TEX9: variants seen among roughly 807,000 people sequenced by gnomAD.
TEX9 encodes testis expressed 9, also known as testis-expressed protein 9.
A neutral mutation model predicts 59.6 loss-of-function variants in TEX9; 74 were observed. The observed-to-expected ratio is 1.24, with a 90% CI of 1.03 to 1.51. The LOEUF (loss-of-function observed/expected upper bound fraction) is 1.51. Among genes scored for constraint, TEX9 ranks in the 40% most tolerant of loss-of-function variants. TEX9 has a pLI of 0.00. For missense variants in TEX9, 522 were observed against 447.8 expected, an observed-to-expected ratio of 1.17 and a Z score of -1.49; for synonymous variants, 186 against 152.2, an observed-to-expected ratio of 1.22 and a Z score of -1.64.
chr15:56,371,067 G>C (rs2047171669), intron 2 of TEX9, among the ~76,000 whole-genome samples: 1 of 152,108 alleles, frequency 6.6e-6, no homozygotes, highest in South Asian at 2.1e-4. Context: ...ATGTTGGCCA[G>C]GCTGGTCTCC....
intron 1 of TEX9, among the ~76,000 whole-genome samples, chr15:56,350,055 T>C (rs2046548111): frequency 6.6e-6 from 1 of 152,104 alleles, no homozygotes; most frequent in Non-Finnish European, 1.5e-5. Flanking sequence ...CGGTGTCATG[T>C]TTGCTTATAG....
intron 1 of TEX9, among the ~76,000 whole-genome samples, chr15:56,250,468 G>A (rs547053093): frequency 6.6e-6 from 1 of 152,276 alleles, no homozygotes; most frequent in South Asian, 2.1e-4. Flanking sequence ...AAGACACACA[G>A]AAGACTGGTC....
chr15:56,393,862 G>A (rs36082281), intron 7 of TEX9: 55,832 of 181,768 alleles, frequency 0.31, 9,693 homozygotes, highest in Middle Eastern at 0.45. Flanking sequence ...CAAACTCTCA[G>A]GGACATTACT....
chr15:56,373,729 C>T (rs2047298412), intron 3 of TEX9, among the ~76,000 whole-genome samples: 1 of 152,070 alleles, frequency 6.6e-6, no homozygotes, highest in Non-Finnish European at 1.5e-5. Context: ...AAGTACTTTC[C>T]ATTTAGATTC....
At chr15:56,315,480 C>G (rs1336327219) in intron 1 of TEX9, among the ~76,000 whole-genome samples, 1 of 149,890 alleles carries the variant, frequency 6.7e-6, no homozygotes, top group Non-Finnish European at 1.5e-5. Flanking sequence ...ATATTGGCCC[C>G]CACTCTCTTC....
At chr15:56,276,506 A>G (rs540364245) in intron 1 of TEX9, among the ~76,000 whole-genome samples, 2 of 152,250 alleles carry the variant, frequency 1.3e-5, no homozygotes, top group African/African-American at 4.8e-5. Context: ...AAGGACATGA[A>G]CCCATTCTTT....
chr15:56,417,371 G>A (rs114493300), intron 10 of TEX9, among the ~76,000 whole-genome samples: 4,717 of 151,880 alleles, frequency 0.031, 359 homozygotes, highest in African/African-American at 0.11. Context: ...TCCCTTAGCT[G>A]TGTTCTAGAG....
chr15:56,412,735 A>T (rs1050491297), intron 10 of TEX9, among the ~76,000 whole-genome samples: 2 of 152,112 alleles, frequency 1.3e-5, no homozygotes, highest in African/African-American at 4.8e-5. Flanking sequence ...AAAGTTGTTT[A>T]AAAAAAGTAT....
intron 2 of TEX9, among the ~76,000 whole-genome samples, chr15:56,368,806 A>G (rs548141971): frequency 6.6e-6 from 1 of 151,912 alleles, no homozygotes; most frequent in South Asian, 2.1e-4. Context: ...TTCTTTTTCT[A>G]TCAAGCTTCC....
At chr15:56,386,579 C>T (rs1212393944) in intron 4 of TEX9, among the ~76,000 whole-genome samples, 1 of 151,818 alleles carries the variant, frequency 6.6e-6, no homozygotes, top group East Asian at 1.9e-4. Context: ...ATCAATTACA[C>T]ATTTTTATAT....
chr15:56,248,086 A>G lies in TEX9; in HGVS notation c.-107+3808A>G, dbSNP rs184371120. ...TAGTCCTAGGAGGGCTTATATATAT[A>G]TAAGTTTCAATGCTGTAATGTGATT... On this transcript the variant is annotated intron_variant, in intron 1 of 5. Transcript: ENST00000560827. Among the ~76,000 whole-genome samples the G allele has an allele frequency of 1.0e-3, 158 of 152,340 alleles. 2 individuals are homozygous for G. Among genetic ancestry groups the G allele is most frequent in the Non-Finnish European group, 1.6e-3 (108 of 68,026 alleles).
At chr15:56,389,878 C>T (rs183789680) in intron 6 of TEX9, among the ~76,000 whole-genome samples, 289 of 151,924 alleles carry the variant, frequency 1.9e-3, no homozygotes, top group Middle Eastern at 3.4e-3. Context: ...GAATTCAAGA[C>T]GGTTCTTAGT....
chr15:56,280,874 C>T (rs1348697726), intron 1 of TEX9, among the ~76,000 whole-genome samples: 2 of 152,200 alleles, frequency 1.3e-5, no homozygotes, highest in Non-Finnish European at 2.9e-5. Context: ...TAGCATAGAT[C>T]TGCTAAAGTA....
At chr15:56,368,832 T>G (rs772247565) in intron 2 of TEX9, among the ~76,000 whole-genome samples, 7 of 152,112 alleles carry the variant, frequency 4.6e-5, no homozygotes, top group Non-Finnish European at 1.0e-4. Flanking sequence ...GATTTATCTG[T>G]TTTATTGGTC....
downstream of TEX9, among the ~76,000 whole-genome samples, chr15:56,450,803 T>C (rs974230819): frequency 6.6e-6 from 1 of 152,176 alleles, no homozygotes. Context: ...TGGTAATCCT[T>C]TGTTTAACTT....
chr15:56,340,678 C>G (rs1229020020), intron 1 of TEX9, among the ~76,000 whole-genome samples: 1 of 152,050 alleles, frequency 6.6e-6, no homozygotes, highest in South Asian at 2.1e-4. Flanking sequence ...CTTCCTAGTT[C>G]TTGCTCACGT....
chr15:56,396,586 T>TC (rs3985755), intron 9 of TEX9: 6 of 150,634 alleles, frequency 4.0e-5, no homozygotes, highest in Non-Finnish European at 5.9e-5. Flanking sequence ...TTTTTTTTTT[T>TC]CAGTTAGCAT....
At chr15:56,408,239 C>G (rs2049173145) in intron 9 of TEX9, among the ~76,000 whole-genome samples, 1 of 152,220 alleles carries the variant, frequency 6.6e-6, no homozygotes, top group South Asian at 2.1e-4. Flanking sequence ...ATTGAAACTA[C>G]TCTTAAAAAG....
chr15:56,317,537 C>G (rs1299057231), intron 1 of TEX9, among the ~76,000 whole-genome samples: 1 of 152,092 alleles, frequency 6.6e-6, no homozygotes, highest in Non-Finnish European at 1.5e-5. Context: ...TGTATTTCTA[C>G]TCTAATCTTT....
Sources: gnomAD v4.1 joint callset for allele counts (sites outside exome capture counted in the v4.1 genomes callset) on GRCh38, gnomAD v4.1.1 for gene constraint, MANE v1.5 for transcripts, NCBI Gene and HGNC (gene_info 2026-07-23, HGNC 2026-07-21) for gene names.